The following ABCB1 variants were observed in gnomAD, a reference collection of about 807,000 sequenced individuals.
ABCB1 encodes the protein ATP binding cassette subfamily B member 1, also known as ATP-dependent translocase ABCB1.
In ABCB1, 69 loss-of-function variants were observed where a neutral mutation model predicts 142.0. The ratio of observed to expected loss-of-function variants is 0.49; its 90% confidence interval spans 0.40 to 0.59. ABCB1 has a LOEUF of 0.59. ABCB1 is among the 20% of genes least tolerant of loss of function. ABCB1 has a pLI of 0.00. For missense variants in ABCB1, 1,326 were observed against 1,554.7 expected (o/e 0.85, Z 2.47); for synonymous variants, 532 against 539.2 (o/e 0.99, Z 0.18).
intron 1 of ABCB1, chr7:87,650,765 C>T: frequency 9.5e-7 from 1 of 1,053,122 alleles, no homozygotes; most frequent in Non-Finnish European, 1.5e-6. Context: ...CCATTTTTTT[C>T]ATACTTAGGG....
intron 1 of ABCB1, among the ~76,000 whole-genome samples, chr7:87,610,084 T>A (rs1248355482): frequency 6.6e-6 from 1 of 152,194 alleles, no homozygotes; most frequent in East Asian, 1.9e-4. Context: ...GCGTGTCTTT[T>A]CCAATGAGAT....
upstream of ABCB1, chr7:87,601,194 G>A (rs1213908791): frequency 1.3e-5 from 2 of 152,260 alleles, no homozygotes; most frequent in South Asian, 2.1e-4. Context: ...ACTACAGGAC[G>A]TAGTTAAGGG....
intron 24 of ABCB1, 89 bp from the exon 25 acceptor site, chr7:87,515,517 AG>A: frequency 8.4e-7 from 1 of 1,184,558 alleles, no homozygotes; most frequent in Non-Finnish European, 1.2e-6. Context: ...AGGTGTCAGA[AG>A]ATAATTAATT....
At chr7:87,509,657 T>A (rs1276184530) in intron 25 of ABCB1, among the ~76,000 whole-genome samples, 176 bp from the exon 26 acceptor site, 1 of 152,200 alleles carries the variant, frequency 6.6e-6, no homozygotes, top group Non-Finnish European at 1.5e-5. Flanking sequence ...TTGTATGCCT[T>A]GAGGAACTGT....
chr7:87,638,344 T>TG (rs1822033916), intron 1 of ABCB1, among the ~76,000 whole-genome samples: 4 of 116,394 alleles, frequency 3.4e-5, no homozygotes, highest in East Asian at 2.9e-4. Context: ...GAAGTATGTG[T>TG]TTGTGTGTGT....
chr7:87,616,320 C>T (rs549957934), intron 1 of ABCB1, among the ~76,000 whole-genome samples: 4 of 152,210 alleles, frequency 2.6e-5, no homozygotes, highest in East Asian at 3.9e-4. Flanking sequence ...AAACCTTTTT[C>T]GTCAAACCTG....
chr7:87,650,437 A>G (rs915459027), intron 1 of ABCB1, among the ~76,000 whole-genome samples: 4 of 152,146 alleles, frequency 2.6e-5, no homozygotes, highest in Non-Finnish European at 5.9e-5. Context: ...GTGTCTTTAC[A>G]TGGCAGAAGA....
chr7:87,657,311 A>G (rs1432118117), intron 1 of ABCB1, among the ~76,000 whole-genome samples: 1 of 152,162 alleles, frequency 6.6e-6, no homozygotes, highest in African/African-American at 2.4e-5. Flanking sequence ...AAACCTCTCC[A>G]CAAGATACTA....
At chr7:87,642,613 T>A (rs543833472) in intron 1 of ABCB1, among the ~76,000 whole-genome samples, 28 of 151,598 alleles carry the variant, frequency 1.8e-4, no homozygotes, top group Admixed American at 3.3e-4. Flanking sequence ...AGTTTTGCCT[T>A]ATTTATTTAT....
Position 87,581,428 on chromosome 7 carries a change from C to G in ABCB1, c.286+4084G>C, listed in dbSNP as rs532986087. ...GTCTCATAAGGAAGATGAGAATTCA[C>G]AGAATATTACAGAAATTCATCAGTG... On this transcript the variant is annotated intron_variant, in intron 4 of 27. Transcript: ENST00000622132. Among the ~76,000 whole-genome samples, 4 of 151,902 alleles carry G rather than the reference C, an allele frequency of 2.6e-5. No individual in the cohort carries two copies. In the East Asian group the frequency reaches 7.7e-4, roughly 29 times the overall value.
chr7:87,582,478 A>T, intron 4 of ABCB1, among the ~76,000 whole-genome samples: 1 of 152,216 alleles, frequency 6.6e-6, no homozygotes, highest in African/African-American at 2.4e-5. Flanking sequence ...GTTGGGAATG[A>T]TGAGGGCATG....
At chr7:87,590,949 C>T (rs1159593999) in intron 3 of ABCB1, among the ~76,000 whole-genome samples, 1 of 152,174 alleles carries the variant, frequency 6.6e-6, no homozygotes, top group Non-Finnish European at 1.5e-5. Flanking sequence ...GTGTGGTAGA[C>T]AGAATAATTC....
Position 87,610,615 on chromosome 7 carries a change from C to T in ABCB1, c.-330-9537G>A, listed in dbSNP as rs80158700. Reference sequence around the variant, plus strand: ...AGTAGTCATGCAGGCTGGGTTTATCCTTGTTACCATTGCATCATGTGGCAA... The same window carrying T: ...AGTAGTCATGCAGGCTGGGTTTATCTTTGTTACCATTGCATCATGTGGCAA... On this transcript the variant is annotated intron_variant, in intron 1 of 28. Coordinates refer to the ABCB1 transcript ENST00000265724. 5.5e-3 allele frequency among the ~76,000 whole-genome samples: 831 copies of T among 152,134 alleles called. 6 individuals are homozygous for T. The highest frequency in any genetic ancestry group is 0.049 in the East Asian group (255 of 5,184).
chr7:87,589,579 A>G (rs1479989119), intron 3 of ABCB1, among the ~76,000 whole-genome samples: 5 of 152,084 alleles, frequency 3.3e-5, no homozygotes, highest in Non-Finnish European at 2.9e-5. Flanking sequence ...TGAGCCCAGG[A>G]GTTTGGTACA....
At position 87,676,328 on chromosome 7, in the gene ABCB1, A is replaced by G. The variant is rs1826351132; in HGVS notation, c.-331+36833T>C. ...GAATGAGAGATAACATGTGTAAACC[A>G]TGTATCCAATAAGGTGTTAATATCC... On this transcript the variant is annotated intron_variant, in intron 1 of 28. Transcript: ENST00000265724. Among the ~76,000 whole-genome samples, 5 of 152,344 alleles carry G rather than the reference A, an allele frequency of 3.3e-5. No individual in the cohort carries two copies. In the South Asian group the frequency reaches 1.0e-3, roughly 32 times the overall value.
In ABCB1 at chr7:87,687,183, A is replaced by G. The variant is rs1585102762; in HGVS notation, c.-331+25978T>C. 2.6e-5 allele frequency among the ~76,000 whole-genome samples: 4 copies of G among 152,210 alleles called. No homozygotes were observed. In the South Asian group the frequency reaches 8.3e-4, roughly 32 times the overall value. On this transcript the variant is annotated intron_variant, in intron 1 of 28. Transcript: ENST00000265724. ...TTTTCAGTTATATTTGTGTACAGCT[A>G]GTTTTTCCCCCACAACTTACTGTTC...
At chr7:87,675,653 C>CAAAAAAA (rs200136132) in intron 1 of ABCB1, among the ~76,000 whole-genome samples, 48 of 65,762 alleles carry the variant, frequency 7.3e-4, no homozygotes, top group African/African-American at 2.3e-3. Context: ...TATTCACATG[C>CAAAAAAA]AAAAAAAAAA....
At position 87,521,167 on chromosome 7, in the gene ABCB1, C is replaced by T. The variant is rs146129895; in HGVS notation, c.2686-291G>A. The T allele has an allele frequency of 1.1e-3, 445 of 418,782 alleles. 1 individual carries two copies. The highest frequency in any genetic ancestry group is 8.3e-3 in the African/African-American group (416 of 49,960). The allele number at this position is 418,782 out of a possible 1,614,324, so 25.9% of individuals were successfully genotyped here. A position where few individuals can be genotyped will look rare whatever the true frequency, so the allele number is the denominator to read the frequency against. On this transcript the variant is annotated intron_variant, in intron 21 of 27. Transcript: ENST00000622132. Reference sequence around the variant, plus strand: ...CTTTACGTGGCTTCGCAAAATTAACCAGAGAACTCACAGTACTTCTATTGC... The same window carrying T: ...CTTTACGTGGCTTCGCAAAATTAACTAGAGAACTCACAGTACTTCTATTGC...
intron 2 of ABCB1, among the ~76,000 whole-genome samples, chr7:87,597,388 A>G (rs1819250586): frequency 6.6e-6 from 1 of 152,096 alleles, no homozygotes; most frequent in Non-Finnish European, 1.5e-5. Flanking sequence ...CCAAAGCCAT[A>G]TGCTTCTTTA....
Sources: gnomAD v4.1 joint callset for allele counts (sites outside exome capture counted in the v4.1 genomes callset) on GRCh38, gnomAD v4.1.1 for gene constraint, MANE v1.5 for transcripts, NCBI Gene and HGNC (gene_info 2026-07-23, HGNC 2026-07-21) for gene names.